The following FBXL17 variants were observed in gnomAD, a reference collection of about 807,000 sequenced individuals.
The protein encoded by FBXL17 is F-box and leucine rich repeat protein 17.
Under a neutral mutation model 66.2 loss-of-function variants are expected in FBXL17, and 22 were observed. That is an observed-to-expected ratio of 0.33 (90% CI 0.24 to 0.47). The LOEUF (loss-of-function observed/expected upper bound fraction) is 0.47, where lower values mean the gene tolerates loss of function less well. Among genes scored for constraint, FBXL17 ranks in the 20% least tolerant of loss-of-function variants. The probability of loss-of-function intolerance (pLI) is 1.00; values close to 1 mark genes in which losing one functional copy is unlikely to be tolerated. For synonymous variants in FBXL17, 474 were observed against 400.5 expected, an observed-to-expected ratio of 1.18 and a Z score of -2.19; for missense variants, 878 against 948.2, an observed-to-expected ratio of 0.93 and a Z score of 0.97.
intron 6 of FBXL17, among the ~76,000 whole-genome samples, chr5:108,151,577 C>T (rs1385235244): frequency 1.3e-5 from 2 of 152,136 alleles, no homozygotes; most frequent in African/African-American, 4.8e-5. Context: ...CAGAGCACAG[C>T]CATCTGTAGA....
chr5:107,892,833 G>A (rs1749240336), intron 7 of FBXL17, among the ~76,000 whole-genome samples: 1 of 151,996 alleles, frequency 6.6e-6, no homozygotes, highest in African/African-American at 2.4e-5. Context: ...TTTGCTATGG[G>A]CATTTCTGCC....
chr5:108,215,093 C>T (rs1420905496), intron 5 of FBXL17, among the ~76,000 whole-genome samples: 1 of 152,138 alleles, frequency 6.6e-6, no homozygotes, highest in Non-Finnish European at 1.5e-5. Flanking sequence ...ATACCACATT[C>T]TGCTTATACA....
chr5:107,931,990 T>A (rs186461048), intron 7 of FBXL17, among the ~76,000 whole-genome samples: 36 of 152,292 alleles, frequency 2.4e-4, no homozygotes, highest in Non-Finnish European at 4.4e-4. Context: ...GATTCCTGAA[T>A]CCCACTTGCA....
intron 4 of FBXL17, among the ~76,000 whole-genome samples, chr5:108,293,914 G>T (rs372696791): frequency 7.3e-5 from 11 of 151,388 alleles, no homozygotes; most frequent in Admixed American, 4.6e-4. Flanking sequence ...GGTGGCACAT[G>T]CCTGTAATTC....
chr5:108,261,911 T>C (rs1286132855), intron 4 of FBXL17, among the ~76,000 whole-genome samples: 1 of 151,968 alleles, frequency 6.6e-6, no homozygotes, highest in Non-Finnish European at 1.5e-5. Flanking sequence ...AAAACGTTAC[T>C]TTCCTGAAGA....
At chr5:108,063,191 T>C (rs1446140340) in intron 6 of FBXL17, among the ~76,000 whole-genome samples, 2 of 152,296 alleles carry the variant, frequency 1.3e-5, no homozygotes, top group Non-Finnish European at 2.9e-5. Context: ...CTGACATTCC[T>C]AAATGTACAA....
chr5:107,989,703 T>G (rs892015296), intron 7 of FBXL17, among the ~76,000 whole-genome samples: 6 of 152,240 alleles, frequency 3.9e-5, no homozygotes, highest in Non-Finnish European at 7.4e-5. Flanking sequence ...TAGTTTTTTT[T>G]GGGAACCTCC....
At chr5:107,990,152 G>C (rs1753183754) in intron 7 of FBXL17, among the ~76,000 whole-genome samples, 1 of 152,178 alleles carries the variant, frequency 6.6e-6, no homozygotes, top group Non-Finnish European at 1.5e-5. Context: ...CAGGAAACTA[G>C]TAAGGTAAAT....
intron 6 of FBXL17, among the ~76,000 whole-genome samples, chr5:108,181,490 T>G (rs899860214): frequency 6.6e-5 from 10 of 152,176 alleles, no homozygotes; most frequent in African/African-American, 2.4e-4. Context: ...GTCACAGAGA[T>G]CAATTCAAGG....
chr5:107,961,087 C>T (rs1751884340), intron 7 of FBXL17, among the ~76,000 whole-genome samples: 1 of 151,998 alleles, frequency 6.6e-6, no homozygotes, highest in Non-Finnish European at 1.5e-5. Flanking sequence ...AAGTGGGGGT[C>T]CAGGTTGGTG....
At chr5:108,371,715 T>G (rs979817173) in intron 1 of FBXL17, among the ~76,000 whole-genome samples, 1 of 152,010 alleles carries the variant, frequency 6.6e-6, no homozygotes, top group Non-Finnish European at 1.5e-5. Context: ...AGAATATTAA[T>G]AAAAAGTAGA....
intron 5 of FBXL17, among the ~76,000 whole-genome samples, chr5:108,201,387 T>C (rs184317772): frequency 6.4e-4 from 97 of 152,254 alleles, no homozygotes; most frequent in African/African-American, 1.7e-3. Flanking sequence ...CTGTGGCTGA[T>C]TGTGGTAGAC....
intron 6 of FBXL17, among the ~76,000 whole-genome samples, chr5:108,130,743 A>G (rs1020900789): frequency 1.6e-4 from 25 of 152,162 alleles, no homozygotes; most frequent in African/African-American, 2.9e-4. Context: ...TTCTAACTGC[A>G]TAAGATTTAT....
intron 1 of FBXL17, among the ~76,000 whole-genome samples, chr5:108,374,094 C>T (rs1043664506): frequency 6.6e-6 from 1 of 152,028 alleles, no homozygotes; most frequent in African/African-American, 2.4e-5. Flanking sequence ...AAAAGAGTTC[C>T]GCATTAATGC....
intron 6 of FBXL17, among the ~76,000 whole-genome samples, chr5:108,116,286 G>A (rs1402217037): frequency 6.6e-6 from 1 of 152,016 alleles, no homozygotes; most frequent in African/African-American, 2.4e-5. Flanking sequence ...TAGTTACGAG[G>A]TTAATATGCA....
intron 1 of FBXL17, among the ~76,000 whole-genome samples, chr5:108,374,321 G>C (rs1749272557): frequency 1.3e-5 from 2 of 152,144 alleles, no homozygotes; most frequent in Non-Finnish European, 2.9e-5. Flanking sequence ...CAACAAATTT[G>C]AAAATATTAA....
intron 8 of FBXL17, chr5:107,879,307 G>GAGTT: frequency 1.0e-6 from 1 of 985,450 alleles, no homozygotes; most frequent in Non-Finnish European, 1.2e-6. Flanking sequence ...GGAAGCTGAG[G>GAGTT]AGTTCTGCTG....
rs35443814 is a variant in FBXL17, at chr5:107,958,139, GA to G, written c.1822+62785del. Among the ~76,000 whole-genome samples the G allele has an allele frequency of 5.4e-3, 739 of 137,696 alleles. 3 individuals are homozygous for G. Among genetic ancestry groups the G allele is most frequent in the African/African-American group, 0.016 (613 of 37,614 alleles). 90.3% of individuals were successfully genotyped at this position (137,696 alleles called of 152,430 possible). A position where few individuals can be genotyped will look rare whatever the true frequency, so the allele number is the denominator to read the frequency against. ...TTGGTACACAGAAATGGAGTAGCTT[GA>G]AAAAAAAAAAAGAAACATGAGTAAA... On this transcript the variant is annotated intron_variant, in intron 7 of 8. Coordinates refer to ENST00000542267, the MANE Select transcript of FBXL17 (RefSeq NM_001163315.3).
intron 6 of FBXL17, among the ~76,000 whole-genome samples, chr5:108,157,221 T>A (rs1201008062): frequency 1.3e-5 from 2 of 149,198 alleles, no homozygotes; most frequent in African/African-American, 4.9e-5. Flanking sequence ...CATACAAATG[T>A]GATATAATTA....
Sources: gnomAD v4.1 joint callset for allele counts (sites outside exome capture counted in the v4.1 genomes callset) on GRCh38, gnomAD v4.1.1 for gene constraint, MANE v1.5 for transcripts, NCBI Gene and HGNC (gene_info 2026-07-23, HGNC 2026-07-21) for gene names.